HNRNPR: variants seen among roughly 807,000 people sequenced by gnomAD.
HNRNPR encodes heterogeneous nuclear ribonucleoprotein R.
HNRNPR carries 4 observed loss-of-function variants against 70.3 expected under a neutral mutation model. The ratio of observed to expected loss-of-function variants is 0.06; its 90% confidence interval spans 0.03 to 0.13. HNRNPR has a LOEUF of 0.13. HNRNPR is among the 10% of genes least tolerant of loss of function. The pLI is 1.00. For synonymous variants in HNRNPR, 241 were observed against 267.6 expected, an observed-to-expected ratio of 0.90 and a Z score of 0.97; for missense variants, 423 against 788.5, an observed-to-expected ratio of 0.54 and a Z score of 5.55.
chr1:23,338,000 GT>G (rs201750367), intron 3 of HNRNPR, 139 bp from the exon 4 acceptor site: 7,148 of 631,874 alleles, frequency 0.011, 72 homozygotes, highest in Non-Finnish European at 0.014. Context: ...TTGCCGAGTG[GT>G]TACTATGTGC....
At chr1:23,323,530 TA>T in intron 6 of HNRNPR, 25 bp downstream of exon 6, 1 of 1,596,852 alleles carries the variant, frequency 6.3e-7, no homozygotes, top group Middle Eastern at 1.7e-4. Context: ...AGTGACTTGC[TA>T]AGACAGTGGA....
chr1:23,316,186 T>C (rs1409397333), intron 8 of HNRNPR, among the ~76,000 whole-genome samples: 1 of 152,052 alleles, frequency 6.6e-6, no homozygotes, highest in Non-Finnish European at 1.5e-5. Flanking sequence ...CTGGATGGGG[T>C]TGCAAGCACC....
rs1162866348 is a variant in HNRNPR at position 23,306,787 on chromosome 1, T to C, written c.*3667A>G. The C allele has an allele frequency of 6.6e-6, 1 of 152,176 alleles. No individual in the cohort carries two copies. The highest frequency in any genetic ancestry group is 1.5e-5 in the Non-Finnish European group (1 of 68,022). The allele number at this position is 152,176 out of a possible 1,614,324, so 9.4% of individuals were successfully genotyped here. On this transcript the variant is annotated 3_prime_UTR_variant, in exon 11 of 11. Transcript: ENST00000302271. ...TATTTTTAAAGCTTGGTGTTTGCGT[T>C]TGAAAATTAAGACCTAATCAACAAA...
rs369060921 is a variant in HNRNPR, at chr1:23,309,005, C to T, written c.*1449G>A. 1 of 151,854 alleles carries T rather than the reference C, an allele frequency of 6.6e-6. No individual in the cohort carries two copies. The highest frequency in any genetic ancestry group is 6.6e-5 in the Admixed American group (1 of 15,252). The allele number at this position is 151,854 out of a possible 1,614,324, so 9.4% of individuals were successfully genotyped here. On this transcript the variant is annotated 3_prime_UTR_variant, in exon 11 of 11. Transcript: ENST00000302271. ...TTGAAAGTGATTCACTTTTCTGTAC[C>T]GTAAAGCTTAGATTCTTTTGTTCCT... is the stretch of plus-strand genomic sequence containing the variant.
intron 5 of HNRNPR, among the ~76,000 whole-genome samples, chr1:23,333,285 A>G (rs189887171): frequency 7.2e-5 from 11 of 152,286 alleles, no homozygotes; most frequent in Admixed American, 3.9e-4. Flanking sequence ...GGTTTTAGCA[A>G]CCTGTTCCAA....
intron 4 of HNRNPR, among the ~76,000 whole-genome samples, chr1:23,335,622 G>A (rs1646441568): frequency 6.6e-6 from 1 of 152,064 alleles, no homozygotes; most frequent in African/African-American, 2.4e-5. Flanking sequence ...GATCTAGGTT[G>A]CATGCTCCTT....
chr1:23,334,330 A>G (rs12078442), intron 4 of HNRNPR, among the ~76,000 whole-genome samples: 8,667 of 134,064 alleles, frequency 0.065, 829 homozygotes, highest in African/African-American at 0.22. Context: ...TCCGCCTCCC[A>G]GGTTCACGCC....
intron 9 of HNRNPR, among the ~76,000 whole-genome samples, chr1:23,312,342 A>G (rs1260222376): frequency 6.6e-6 from 1 of 152,202 alleles, no homozygotes; most frequent in East Asian, 1.9e-4. Context: ...CAGTTCCTGG[A>G]CTAGATATTT....
intron 5 of HNRNPR, among the ~76,000 whole-genome samples, chr1:23,328,260 T>C (rs762397912): frequency 6.6e-6 from 1 of 152,160 alleles, no homozygotes; most frequent in Non-Finnish European, 1.5e-5. Context: ...GAAAAATGAC[T>C]GGGTATGACT....
intron 5 of HNRNPR, among the ~76,000 whole-genome samples, chr1:23,330,514 GAC>G (rs1468148648): frequency 2.6e-5 from 4 of 152,040 alleles, no homozygotes; most frequent in Admixed American, 2.6e-4. Context: ...CAGCCTGGGC[GAC>G]AGAGTGAGAC....
intron 5 of HNRNPR, among the ~76,000 whole-genome samples, chr1:23,326,430 C>A (rs1435739878): frequency 1.3e-5 from 2 of 152,208 alleles, no homozygotes; most frequent in Non-Finnish European, 2.9e-5. Context: ...TAATTGGCTT[C>A]TTCCTCTAAC....
intron 5 of HNRNPR, among the ~76,000 whole-genome samples, chr1:23,331,960 C>T (rs1304582069): frequency 4.0e-5 from 6 of 151,566 alleles, no homozygotes; most frequent in African/African-American, 7.3e-5. Context: ...GGCGCAACCC[C>T]GTCTCCACTA....
chr1:23,316,587 A>G (rs1209284816), intron 8 of HNRNPR, among the ~76,000 whole-genome samples: 1 of 152,142 alleles, frequency 6.6e-6, no homozygotes, highest in African/African-American at 2.4e-5. Context: ...CCTCTATTAT[A>G]ATACATCTAT....
intron 1 of HNRNPR, among the ~76,000 whole-genome samples, chr1:23,342,426 C>T (rs1646737907): frequency 6.6e-6 from 1 of 152,138 alleles, no homozygotes; most frequent in Non-Finnish European, 1.5e-5. Context: ...TATTAAGACT[C>T]GATAGCCCTT....
At chr1:23,331,779 T>C (rs1164818568) in intron 5 of HNRNPR, among the ~76,000 whole-genome samples, 3 of 134,380 alleles carry the variant, frequency 2.2e-5, no homozygotes, top group Non-Finnish European at 3.0e-5. Context: ...GAGGCTGCAG[T>C]GTGCTATGAT....
intron 9 of HNRNPR, 115 bp from the exon 10 acceptor site, chr1:23,311,437 T>C (rs1645333887): frequency 2.9e-6 from 2 of 681,248 alleles, no homozygotes; most frequent in South Asian, 4.3e-5. Flanking sequence ...TACTTCACAA[T>C]TATTTTAAAT....
rs1645200079 is a variant in HNRNPR at position 23,306,184 on chromosome 1, T to C, written c.*4270A>G. On this transcript the variant is annotated 3_prime_UTR_variant, in exon 11 of 11. Transcript: ENST00000302271. ...TATTTTGCTCACTTAAAATATACCC[T>C]GAGTATTTCATTACTTCATACTTGC... is the stretch of plus-strand genomic sequence containing the variant. 1 of 152,188 alleles carries C rather than the reference T, an allele frequency of 6.6e-6. No homozygotes were observed. The highest frequency in any genetic ancestry group is 1.5e-5 in the Non-Finnish European group (1 of 68,026). The allele number at this position is 152,188 out of a possible 1,614,324, so 9.4% of individuals were successfully genotyped here.
chr1:23,318,577 C>T lies in HNRNPR; in HGVS notation c.923G>A (p.Arg308Gln), dbSNP rs1295414609. Residue 308 changes from arginine to glutamine, a missense_variant, in exon 8 of 11, where the codon CGG becomes CAG. Transcript: ENST00000302271. This position sits in a 1 kb window ranked among gnomAD's most constrained non-coding sequence, Gnocchi z 4.2. ...DHKSAAQARR[R>Q]LMSGKVKVWG... is the part of the protein sequence containing the mutation. ...CACTTTTACTTTTCCACTCATCAGC[C>T]GGCGTCTGGCTTGTGCTGCTGACTT... 3 of 1,614,168 alleles carry T rather than the reference C, an allele frequency of 1.9e-6. No individual in the cohort carries two copies. The highest frequency in any genetic ancestry group is 1.7e-5 in the Admixed American group (1 of 60,026).
chr1:23,328,852 C>T (rs532076993), intron 5 of HNRNPR, among the ~76,000 whole-genome samples: 39 of 152,258 alleles, frequency 2.6e-4, no homozygotes, highest in African/African-American at 9.1e-4. Flanking sequence ...GGCATGGTGA[C>T]TCACACTTGT....
Sources: allele counts gnomAD v4.1 joint callset (sites outside exome capture counted in the v4.1 genomes callset), GRCh38; gene constraint gnomAD v4.1.1; non-coding constraint Gnocchi (gnomAD v3.1); transcripts MANE v1.5; gene names NCBI Gene and HGNC (gene_info 2026-07-23, HGNC 2026-07-21).